Variants in KDM6A observed in about 807,000 individuals in gnomAD.
KDM6A encodes lysine-specific demethylase 6A.
KDM6A carries 11 observed loss-of-function variants against 117.6 expected under a neutral mutation model. The observed-to-expected ratio is 0.09, with a 90% CI of 0.06 to 0.15. The LOEUF (loss-of-function observed/expected upper bound fraction) is 0.15. Ranked by LOEUF, KDM6A falls within the 10% of genes least tolerant of loss-of-function variation. The pLI is 1.00. For synonymous variants in KDM6A, 384 were observed against 396.1 expected, an observed-to-expected ratio of 0.97 and a Z score of 0.36; for missense variants, 799 against 1,077.3, an observed-to-expected ratio of 0.74 and a Z score of 3.62.
intron 2 of KDM6A, among the ~76,000 whole-genome samples, chrX:44,901,273 C>T (rs1001884475): frequency 1.8e-4 from 20 of 110,120 alleles, no homozygotes; most frequent in Admixed American, 4.9e-4. Flanking sequence ...CTCAGCTGCT[C>T]GGGAGGCTGA....
intron 2 of KDM6A, among the ~76,000 whole-genome samples, chrX:44,899,234 T>A (rs1478533472): frequency 2.1e-5 from 2 of 95,962 alleles, no homozygotes; most frequent in African/African-American, 3.9e-5. Context: ...CGTGTGTGTG[T>A]GTGTGTGTGT....
chrX:44,968,799 C>T (rs757016737), intron 3 of KDM6A, among the ~76,000 whole-genome samples: 5 of 110,171 alleles, frequency 4.5e-5, no homozygotes, highest in African/African-American at 1.3e-4. Flanking sequence ...GGAGAAACAC[C>T]GTCTCTACTA....
rs769228098 is a variant in KDM6A, at chrX:45,090,873, T to C, written c.4034+9T>C. On this transcript the variant is annotated intron_variant, in intron 27 of 29. Transcript: ENST00000611820. ...CTTTTTGAAATGATTAAGTAAGTCT[T>C]TTCTAAAACTGCTGTAGTCCCTCTC... The C allele has an allele frequency of 8.3e-7, 1 of 1,205,816 alleles. No homozygotes were observed. Among genetic ancestry groups the C allele is most frequent in the Non-Finnish European group, 1.1e-6 (1 of 890,318 alleles).
At chrX:44,943,890 A>G (rs1362880424) in intron 2 of KDM6A, among the ~76,000 whole-genome samples, 1 of 111,772 alleles carries the variant, frequency 8.9e-6, no homozygotes, top group Non-Finnish European at 1.9e-5. Flanking sequence ...GAGTGACTGT[A>G]ATATTTTGCA....
intron 29 of KDM6A, among the ~76,000 whole-genome samples, chrX:45,110,450 A>G (rs985838914): frequency 1.8e-5 from 2 of 111,629 alleles, no homozygotes; most frequent in African/African-American, 6.5e-5. Flanking sequence ...TATCATTTTC[A>G]GTTTTCCTGG....
intron 2 of KDM6A, among the ~76,000 whole-genome samples, chrX:44,931,951 G>A (rs2093649528): frequency 9.1e-6 from 1 of 110,041 alleles, no homozygotes; most frequent in African/African-American, 3.3e-5. Context: ...GGGAACCTTG[G>A]AATCGAGAAA....
chrX:44,937,105 T>C (rs192166455), intron 2 of KDM6A, among the ~76,000 whole-genome samples: 1 of 111,137 alleles, frequency 9.0e-6, no homozygotes, highest in East Asian at 2.8e-4. Context: ...GTGAGTTTGA[T>C]GATACATTGA....
At chrX:44,919,879 G>C (rs1412651442) in intron 2 of KDM6A, among the ~76,000 whole-genome samples, 2 of 111,303 alleles carry the variant, frequency 1.8e-5, no homozygotes, top group Non-Finnish European at 3.8e-5. Context: ...CAAAGTGCTG[G>C]GATTACAGGC....
chrX:45,037,859 G>A (rs2042884007), intron 8 of KDM6A, among the ~76,000 whole-genome samples, 170 bp downstream of exon 8: 1 of 112,096 alleles, frequency 8.9e-6, no homozygotes, highest in South Asian at 3.6e-4. Flanking sequence ...ATGCTGCTTA[G>A]TAAAACAATT....
At chrX:45,042,084 C>T (rs1048717758) in intron 8 of KDM6A, among the ~76,000 whole-genome samples, 5 of 109,790 alleles carry the variant, frequency 4.6e-5, no homozygotes, top group Non-Finnish European at 7.6e-5. Flanking sequence ...ACCCCCTCTC[C>T]ACCAAAAAAA....
At chrX:45,059,894 T>C (rs1219828880) in intron 12 of KDM6A, 128 bp from the exon 13 acceptor site, 2 of 1,029,829 alleles carry the variant, frequency 1.9e-6, no homozygotes, top group Non-Finnish European at 2.6e-6. Flanking sequence ...TAGTGTCTTC[T>C]AAAGCCCCAA....
intron 2 of KDM6A, among the ~76,000 whole-genome samples, chrX:44,921,757 C>T (rs1292666655): frequency 9.1e-6 from 1 of 110,433 alleles, no homozygotes; most frequent in Non-Finnish European, 1.9e-5. Context: ...TATAAATAAA[C>T]TGCTCTGAAT....
At chrX:44,910,306 C>G (rs997687273) in intron 2 of KDM6A, among the ~76,000 whole-genome samples, 7 of 111,736 alleles carry the variant, frequency 6.3e-5, no homozygotes, top group African/African-American at 2.3e-4. Flanking sequence ...CCTGCCTCAG[C>G]CTCCGAGTAG....
intron 2 of KDM6A, among the ~76,000 whole-genome samples, chrX:44,891,666 T>C (rs2033375969): frequency 8.9e-6 from 1 of 111,965 alleles, no homozygotes; most frequent in African/African-American, 3.3e-5. Context: ...CCAGCAGTTT[T>C]GCTATGAGAC....
At chrX:45,063,940 T>G in intron 17 of KDM6A, 123 bp downstream of exon 17, 3 of 620,789 alleles carry the variant, frequency 4.8e-6, no homozygotes, top group Non-Finnish European at 7.8e-6. Context: ...TTTGTGGCAC[T>G]ACAATGTTAC....
chrX:45,015,061 GTTTTCTTTTTTCTTTTC>G (rs913333325), intron 5 of KDM6A, among the ~76,000 whole-genome samples: 4 of 110,243 alleles, frequency 3.6e-5, no homozygotes, highest in African/African-American at 1.3e-4. Flanking sequence ...TACTACTAAA[GTTTTCTTTTTTCTTTTC>G]TCTTCTTTTT....
intron 2 of KDM6A, among the ~76,000 whole-genome samples, chrX:44,951,906 G>A (rs997882647): frequency 2.7e-5 from 3 of 111,567 alleles, no homozygotes; most frequent in Non-Finnish European, 5.6e-5. Flanking sequence ...GTGAAGTAGG[G>A]TTAATTACTG....
At chrX:45,041,213 C>T (rs1476876201) in intron 8 of KDM6A, among the ~76,000 whole-genome samples, 7 of 81,186 alleles carry the variant, frequency 8.6e-5, no homozygotes, top group Non-Finnish European at 1.6e-4. Flanking sequence ...GGCGGCTGGC[C>T]GGGCAGAGGG....
chrX:45,078,583 C>T, intron 20 of KDM6A, 78 bp downstream of exon 20: 3 of 819,247 alleles, frequency 3.7e-6, no homozygotes, highest in African/African-American at 2.1e-5. Context: ...CTGGCAGATA[C>T]TTTTCTTTTT....
Sources: gnomAD v4.1 joint callset for allele counts (sites outside exome capture counted in the v4.1 genomes callset) on GRCh38, gnomAD v4.1.1 for gene constraint, MANE v1.5 for transcripts, NCBI Gene and HGNC (gene_info 2026-07-23, HGNC 2026-07-21) for gene names.